The following SLC9A8 variants were observed in gnomAD, a reference collection of about 807,000 sequenced individuals.
SLC9A8 encodes the protein sodium/hydrogen exchanger 8.
A neutral mutation model predicts 66.6 loss-of-function variants in SLC9A8; 48 were observed. That is an observed-to-expected ratio of 0.72 (90% CI 0.57 to 0.92). SLC9A8 has a LOEUF of 0.92. Among genes scored for constraint, SLC9A8 ranks in the 40% least tolerant of loss-of-function variants. The pLI, the probability that SLC9A8 is intolerant of heterozygous loss-of-function variation, is 0.00. For synonymous variants in SLC9A8, 274 were observed against 282.6 expected, an observed-to-expected ratio of 0.97 and a Z score of 0.31; for missense variants, 599 against 747.3, an observed-to-expected ratio of 0.80 and a Z score of 2.31.
At chr20:49,862,032 T>C (rs1198041963) in intron 8 of SLC9A8, among the ~76,000 whole-genome samples, 1 of 152,000 alleles carries the variant, frequency 6.6e-6, no homozygotes, top group Non-Finnish European at 1.5e-5. Flanking sequence ...CTGGGCTCTT[T>C]CCTGTCCCTC....
chr20:49,872,976 A>G (rs1486955848), intron 10 of SLC9A8, among the ~76,000 whole-genome samples: 1 of 152,128 alleles, frequency 6.6e-6, no homozygotes, highest in Admixed American at 6.6e-5. Context: ...CTCCCTATGC[A>G]GGGAGATGCT....
intron 8 of SLC9A8, among the ~76,000 whole-genome samples, chr20:49,862,657 G>A (rs891607910): frequency 2.6e-5 from 4 of 152,044 alleles, no homozygotes; most frequent in African/African-American, 9.7e-5. Flanking sequence ...CCCCTCCCGC[G>A]GATTGTCATT....
chr20:49,849,546 A>C (rs370126443), intron 5 of SLC9A8, 33 bp from the exon 6 acceptor site: 35 of 1,545,758 alleles, frequency 2.3e-5, no homozygotes, highest in Non-Finnish European at 3.1e-5. Context: ...TGGCTTTTCT[A>C]ATCATTTCCC....
intron 3 of SLC9A8, chr20:49,829,837 A>G (rs1007143298): frequency 5.3e-6 from 3 of 562,594 alleles, no homozygotes; most frequent in South Asian, 4.2e-5. Context: ...CTGAAGGAAA[A>G]GTGAAGAAGA....
chr20:49,881,136 A>G, intron 13 of SLC9A8, 101 bp downstream of exon 13: 2 of 795,316 alleles, frequency 2.5e-6, no homozygotes, highest in Non-Finnish European at 4.4e-6. Flanking sequence ...TGGCAAAACC[A>G]CAAGTAATCA....
At chr20:49,857,277 T>C (rs562062270) in intron 8 of SLC9A8, among the ~76,000 whole-genome samples, 3 of 152,366 alleles carry the variant, frequency 2.0e-5, no homozygotes, top group Non-Finnish European at 4.4e-5. Context: ...TTTACCTGAA[T>C]ACTGACTTAC....
In SLC9A8 at chr20:49,890,351, G is replaced by A. The variant is rs574746505; in HGVS notation, c.*2415G>A. 1 of 152,258 alleles carries A rather than the reference G, an allele frequency of 6.6e-6. No individual in the cohort carries two copies. The highest frequency in any genetic ancestry group is 1.9e-4 in the East Asian group (1 of 5,178). 9.4% of individuals were successfully genotyped at this position (152,258 alleles called of 1,614,324 possible). ...TAGCACACCCAATAATTCTATTTGGGGCAGTGAATGCATAGAAGATATAAA... is the reference window on the plus strand; with the variant it reads ...TAGCACACCCAATAATTCTATTTGGAGCAGTGAATGCATAGAAGATATAAA... On this transcript the variant is annotated 3_prime_UTR_variant, in exon 16 of 16. Transcript: ENST00000361573.
rs777131807 is a variant in SLC9A8, at chr20:49,839,502, A to G, written c.290-39A>G. ...CTTAAATTTGAGTAATCTTTCTCAT[A>G]TCTTAAATTTATGTTAAAGTTTACA... On this transcript the variant is annotated intron_variant, in intron 3 of 15. Transcript: ENST00000361573. 1.4e-5 allele frequency: 18 copies of G among 1,331,450 alleles called. No homozygotes were observed. In the South Asian group the frequency reaches 1.7e-4, roughly 13 times the overall value. 82.5% of individuals were successfully genotyped at this position (1,331,450 alleles called of 1,614,324 possible).
chr20:49,830,271 G>T (rs934742219), intron 3 of SLC9A8: 2 of 1,111,010 alleles, frequency 1.8e-6, no homozygotes, highest in South Asian at 1.2e-5. Context: ...AAGTGGAATC[G>T]TCTCTAACTT....
intron 3 of SLC9A8, among the ~76,000 whole-genome samples, chr20:49,825,940 A>T (rs1568796371): frequency 6.6e-6 from 1 of 152,176 alleles, no homozygotes; most frequent in African/African-American, 2.4e-5. Flanking sequence ...AAGTTGCAGG[A>T]TGAACTCTGA....
intron 1 of SLC9A8, 42 bp from the exon 2 acceptor site, chr20:49,814,966 G>C: frequency 7.0e-7 from 1 of 1,435,280 alleles, no homozygotes; most frequent in Non-Finnish European, 9.3e-7. Flanking sequence ...GATGTTTTGG[G>C]ACCCTTTTCC....
At chr20:49,818,023 G>A (rs538091576) in intron 2 of SLC9A8, among the ~76,000 whole-genome samples, 2 of 150,248 alleles carry the variant, frequency 1.3e-5, no homozygotes, top group Admixed American at 1.3e-4. Flanking sequence ...ATAAAAGGCG[G>A]GCCTGGAAAA....
At chr20:49,854,205 C>A (rs909739590) in intron 7 of SLC9A8, among the ~76,000 whole-genome samples, 5 of 152,148 alleles carry the variant, frequency 3.3e-5, no homozygotes, top group African/African-American at 1.2e-4. Flanking sequence ...GGGAAAATCA[C>A]CAAAGGGCAG....
intron 3 of SLC9A8, among the ~76,000 whole-genome samples, chr20:49,831,244 C>T (rs1218607436): frequency 1.3e-5 from 2 of 152,176 alleles, no homozygotes; most frequent in African/African-American, 4.8e-5. Context: ...CACACAGCAG[C>T]ACCCTTCCTT....
intron 4 of SLC9A8, among the ~76,000 whole-genome samples, chr20:49,840,205 C>T (rs906430851): frequency 6.6e-6 from 1 of 152,106 alleles, no homozygotes; most frequent in Admixed American, 6.6e-5. Context: ...TCCACCATAC[C>T]ACCCCGTCCT....
chr20:49,858,889 C>T (rs753388842), intron 8 of SLC9A8, among the ~76,000 whole-genome samples: 5 of 150,288 alleles, frequency 3.3e-5, no homozygotes, highest in South Asian at 2.1e-4. Flanking sequence ...ACCTGGGAGG[C>T]GGAGGTTGTA....
chr20:49,823,281 G>A, intron 3 of SLC9A8, 140 bp downstream of exon 3: 1 of 728,562 alleles, frequency 1.4e-6, no homozygotes, highest in Non-Finnish European at 2.4e-6. Flanking sequence ...TGCCCTAAGG[G>A]TGCTATGATC....
At chr20:49,820,518 A>C (rs973724866) in intron 2 of SLC9A8, among the ~76,000 whole-genome samples, 1 of 151,812 alleles carries the variant, frequency 6.6e-6, no homozygotes, top group Non-Finnish European at 1.5e-5. Context: ...AATTATAGCT[A>C]TCCTAGTGGA....
At position 49,884,017 on chromosome 20, in the gene SLC9A8, C is replaced by G. The variant is rs911925811; in HGVS notation, c.1442C>G (p.Ala481Gly). 1.9e-6 allele frequency: 3 copies of G among 1,613,708 alleles called. No individual in the cohort carries two copies. The highest frequency in any genetic ancestry group is 2.5e-6 in the Non-Finnish European group (3 of 1,180,004). ...CTCATGGACATCGAGGACGCCAAGG[C>G]ACACCGCAGGAACAAGAAGGACGTC... is the stretch of plus-strand genomic sequence containing the variant. ...IRLMDIEDAKAHRRNKKDVNL... is the reference protein window; with the variant it reads ...IRLMDIEDAKGHRRNKKDVNL... Residue 481 changes from alanine (A) to glycine (G), a missense_variant, in exon 14 of 16, where the codon GCA (alanine) becomes GGA (glycine). Around this residue, in one of 2 missense-constraint regions of SLC9A8, gnomAD observed 467 missense variants for 626.5 expected, o/e 0.75. Transcript: ENST00000361573.
Sources: gnomAD v4.1 joint callset for allele counts (sites outside exome capture counted in the v4.1 genomes callset) on GRCh38, gnomAD v4.1.1 for gene constraint, gnomAD v4.1.1 regional missense constraint, MANE v1.5 for transcripts, NCBI Gene and HGNC (gene_info 2026-07-23, HGNC 2026-07-21) for gene names.